Variants in HERC4 observed in about 807,000 individuals in gnomAD.
HERC4 encodes HECT and RLD domain containing E3 ubiquitin protein ligase 4.
A neutral mutation model predicts 124.3 loss-of-function variants in HERC4; 28 were observed. The ratio of observed to expected loss-of-function variants is 0.23; its 90% CI spans 0.17 to 0.31. HERC4 has a LOEUF of 0.31. HERC4 is among the 10% of genes least tolerant of loss of function. The pLI is 1.00. For missense variants in HERC4, 713 were observed against 1,229.3 expected, an observed-to-expected ratio of 0.58 and a Z score of 6.28; for synonymous variants, 407 against 421.5, an observed-to-expected ratio of 0.97 and a Z score of 0.42.
At chr10:68,025,163 G>A (rs2038833488) in intron 8 of HERC4, among the ~76,000 whole-genome samples, 1 of 152,002 alleles carries the variant, frequency 6.6e-6, no homozygotes, top group Admixed American at 6.6e-5. Flanking sequence ...AGGAGATTGA[G>A]GCTGCAATAA....
At chr10:68,022,665 T>G (rs1353699279) in intron 8 of HERC4, among the ~76,000 whole-genome samples, 1 of 151,960 alleles carries the variant, frequency 6.6e-6, no homozygotes, top group African/African-American at 2.4e-5. Flanking sequence ...ACCAAATGCA[T>G]AGCCAACAAA....
chr10:68,029,129 G>C (rs2039058032), intron 7 of HERC4, among the ~76,000 whole-genome samples: 1 of 152,072 alleles, frequency 6.6e-6, no homozygotes, highest in South Asian at 2.1e-4. Flanking sequence ...AGTGCACTAT[G>C]ACTGTGCCAC....
chr10:67,932,628 T>C lies in HERC4; in HGVS notation c.2807A>G (p.Asn936Ser). ...PNELQAMVIG[N>S]TNYDWKELEK... is the part of the protein sequence containing the mutation. ...CAGTTCCTTCCAATCATAATTTGTA[T>C]TTCCAATGACCATTGCTTGTAGTTC... Residue 936 changes from asparagine to serine, a missense_variant, in exon 23 of 25, where the codon AAT becomes AGT. Physicochemically the swap from Asn to Ser is conservative, Grantham distance 46 (BLOSUM62 1). Transcript: ENST00000373700. The C allele has an allele frequency of 6.2e-7, 1 of 1,611,282 alleles. No homozygotes were observed. Among genetic ancestry groups the C allele is most frequent in the Non-Finnish European group, 8.5e-7 (1 of 1,179,142 alleles).
chr10:67,997,815 G>A (rs937994366), intron 9 of HERC4, among the ~76,000 whole-genome samples: 30 of 152,234 alleles, frequency 2.0e-4, no homozygotes, highest in African/African-American at 6.0e-4. Context: ...GCTCTTGTAC[G>A]AGGTGGAAGA....
intron 5 of HERC4, among the ~76,000 whole-genome samples, chr10:68,035,260 C>T (rs1208020379): frequency 6.6e-6 from 1 of 151,512 alleles, no homozygotes; most frequent in African/African-American, 2.4e-5. Context: ...TCAAGTGATT[C>T]TCCTGCCTCA....
At chr10:68,016,264 T>TAG (rs1460093135) in intron 8 of HERC4, among the ~76,000 whole-genome samples, 4 of 152,228 alleles carry the variant, frequency 2.6e-5, no homozygotes, top group African/African-American at 9.6e-5. Flanking sequence ...CGTCTATTGA[T>TAG]GAACTGACAT....
chr10:67,944,251 C>T (rs2033149609), intron 19 of HERC4, among the ~76,000 whole-genome samples: 1 of 152,214 alleles, frequency 6.6e-6, no homozygotes, highest in Non-Finnish European at 1.5e-5. Context: ...GAGAGCTCAG[C>T]ATAGAAAGAC....
chr10:67,965,510 T>C (rs2034808227), intron 16 of HERC4: 1 of 152,220 alleles, frequency 6.6e-6, no homozygotes, highest in African/African-American at 2.4e-5. Context: ...GAAAAGTCAA[T>C]GAGTCTCTCC....
At chr10:68,002,967 A>G (rs1411425092) in intron 9 of HERC4, among the ~76,000 whole-genome samples, 1 of 152,132 alleles carries the variant, frequency 6.6e-6, no homozygotes, top group Non-Finnish European at 1.5e-5. Flanking sequence ...ATTGTGATAC[A>G]GGCATACAGT....
At chr10:67,999,515 C>T (rs2037101591) in intron 9 of HERC4, among the ~76,000 whole-genome samples, 1 of 152,192 alleles carries the variant, frequency 6.6e-6, no homozygotes, top group South Asian at 2.1e-4. Context: ...AGAAAAGACA[C>T]TTGGGTATAG....
chr10:67,966,930 C>A (rs1256977603), intron 15 of HERC4, 128 bp from the exon 16 acceptor site: 1 of 551,000 alleles, frequency 1.8e-6, no homozygotes. Flanking sequence ...TCTCAGCTCA[C>A]TGCAAGCTCT....
chr10:67,962,859 T>C (rs1444213332), intron 16 of HERC4, among the ~76,000 whole-genome samples: 1 of 152,130 alleles, frequency 6.6e-6, no homozygotes, highest in Non-Finnish European at 1.5e-5. Context: ...ACTGCCAAAT[T>C]TGTAGCCTGT....
At chr10:67,949,498 TAACA>T (rs2033640318) in intron 19 of HERC4, among the ~76,000 whole-genome samples, 2 of 151,870 alleles carry the variant, frequency 1.3e-5, no homozygotes, top group South Asian at 2.1e-4. Flanking sequence ...AAAAAAACAG[TAACA>T]AACAAAAATC....
chr10:67,996,683 A>G (rs1042944845), intron 9 of HERC4, among the ~76,000 whole-genome samples: 9 of 152,238 alleles, frequency 5.9e-5, no homozygotes, highest in Middle Eastern at 3.4e-3. Flanking sequence ...CTTAGTATTA[A>G]TATGAAAATC....
chr10:68,059,618 A>AATATTATATATC (rs1393268611), intron 3 of HERC4, among the ~76,000 whole-genome samples: 2 of 89,898 alleles, frequency 2.2e-5, no homozygotes, highest in East Asian at 3.5e-4. Context: ...TATATATCAT[A>AATATTATATATC]ATATTATATA....
intron 22 of HERC4, among the ~76,000 whole-genome samples, chr10:67,933,271 G>T (rs2032015183): frequency 6.6e-6 from 1 of 151,948 alleles, no homozygotes; most frequent in African/African-American, 2.4e-5. Flanking sequence ...CCTAAGAGAG[G>T]GTACTAAGCA....
intron 19 of HERC4, among the ~76,000 whole-genome samples, chr10:67,942,997 A>C (rs544929338): frequency 6.6e-6 from 1 of 152,216 alleles, no homozygotes; most frequent in Non-Finnish European, 1.5e-5. Context: ...TGCTCATGAA[A>C]TATCTCTCCA....
chr10:68,059,663 ATATAT>A lies in HERC4; in HGVS notation c.226+13215_226+13219del, dbSNP rs1322313840. Among the ~76,000 whole-genome samples, 16 of 71,886 alleles carry A rather than the reference ATATAT, an allele frequency of 2.2e-4. 4 individuals are homozygous for A. The highest frequency in any genetic ancestry group is 1.4e-3 in the Admixed American group (6 of 4,316). 47.2% of individuals were successfully genotyped at this position (71,886 alleles called of 152,430 possible). A position where few individuals can be genotyped will look rare whatever the true frequency, so the allele number is the denominator to read the frequency against. On this transcript the variant is annotated intron_variant, in intron 3 of 24. Coordinates refer to ENST00000373700, the MANE Select transcript of HERC4 (RefSeq NM_015601.4). ...TATATATTATATTATATATCATATT[ATATAT>A]TATATTATATATCATAATATTATAT...
At chr10:68,047,946 A>G (rs2040100990) in intron 3 of HERC4, among the ~76,000 whole-genome samples, 1 of 151,296 alleles carries the variant, frequency 6.6e-6, no homozygotes. Flanking sequence ...TTTTTGTGAG[A>G]CAGGGTCTCA....
Sources: gnomAD v4.1 joint callset for allele counts (sites outside exome capture counted in the v4.1 genomes callset) on GRCh38, gnomAD v4.1.1 for gene constraint, MANE v1.5 for transcripts, NCBI Gene and HGNC (gene_info 2026-07-23, HGNC 2026-07-21) for gene names.